Variants in PDE1A observed in about 807,000 individuals in gnomAD.
PDE1A encodes the protein dual specificity calcium/calmodulin-dependent 3',5'-cyclic nucleotide phosphodiesterase 1A.
PDE1A carries 35 observed loss-of-function variants against 61.7 expected under a neutral mutation model. That is an observed-to-expected ratio of 0.57 (90% CI 0.43 to 0.75). The LOEUF is 0.75. Among genes scored for constraint, PDE1A ranks in the 30% least tolerant of loss-of-function variants. The probability of loss-of-function intolerance (pLI) is 0.00; values close to 1 mark genes in which losing one functional copy is unlikely to be tolerated. For synonymous variants in PDE1A, 232 were observed against 213.2 expected (o/e 1.09, Z -0.77); for missense variants, 597 against 630.6 (o/e 0.95, Z 0.57).
chr2:182,510,009 G>C (rs377034814), intron 2 of PDE1A, among the ~76,000 whole-genome samples: 1 of 151,942 alleles, frequency 6.6e-6, no homozygotes, highest in South Asian at 2.1e-4. Context: ...TGGAGACTCT[G>C]GTGCTTAGAG....
rs150717509 is a variant in PDE1A at position 182,439,482 on chromosome 2, A to G, written c.101+82794T>C. On this transcript the variant is annotated intron_variant, in intron 2 of 14. Transcript: ENST00000410103. ...AAGATGTCAGAGAGAATTGGGAGTC[A>G]GGAGGAGAAGTTTGTCCTACAACAG... 1.7e-3 allele frequency among the ~76,000 whole-genome samples: 265 copies of G among 152,140 alleles called. 1 individual carries two copies. Among genetic ancestry groups the G allele is most frequent in the African/African-American group, 6.2e-3 (257 of 41,560 alleles).
chr2:182,526,175 A>G (rs1009718766), upstream of PDE1A, among the ~76,000 whole-genome samples: 5 of 152,202 alleles, frequency 3.3e-5, no homozygotes, highest in Non-Finnish European at 7.4e-5. Context: ...TTTAGAAAAT[A>G]TCTTAATTTC....
intron 2 of PDE1A, among the ~76,000 whole-genome samples, chr2:182,448,339 T>TG (rs1452121636): frequency 6.6e-6 from 1 of 151,824 alleles, no homozygotes; most frequent in East Asian, 1.9e-4. Flanking sequence ...TAGATTTTTT[T>TG]TTGTTCTTGT....
chr2:182,416,003 A>C (rs1398632618), intron 1 of PDE1A, among the ~76,000 whole-genome samples: 1 of 152,134 alleles, frequency 6.6e-6, no homozygotes, highest in East Asian at 1.9e-4. Context: ...GCCACACTTA[A>C]TCTGCCTGTT....
At chr2:182,275,948 A>G (rs833130) in intron 1 of PDE1A, among the ~76,000 whole-genome samples, 1,964 of 152,252 alleles carry the variant, frequency 0.013, 25 homozygotes, top group African/African-American at 0.022. Context: ...ATATATTAAC[A>G]AGGCATTACA....
intron 13 of PDE1A, among the ~76,000 whole-genome samples, chr2:182,168,546 T>C (rs1385823130): frequency 1.3e-5 from 2 of 152,102 alleles, no homozygotes; most frequent in East Asian, 1.9e-4. Context: ...ACTCAACTTA[T>C]TTTTTACTCT....
chr2:182,382,533 G>C (rs535423038), intron 1 of PDE1A, among the ~76,000 whole-genome samples: 1 of 152,130 alleles, frequency 6.6e-6, no homozygotes, highest in African/African-American at 2.4e-5. Context: ...TTTCATTCTT[G>C]TGATATTCCA....
At chr2:182,360,804 C>T (rs1002644159) in intron 1 of PDE1A, among the ~76,000 whole-genome samples, 5 of 151,862 alleles carry the variant, frequency 3.3e-5, no homozygotes, top group African/African-American at 9.7e-5. Context: ...GCCCTGTACT[C>T]AGTTGATCTG....
intron 1 of PDE1A, among the ~76,000 whole-genome samples, chr2:182,314,119 C>T (rs934803729): frequency 6.6e-6 from 1 of 152,114 alleles, no homozygotes; most frequent in Non-Finnish European, 1.5e-5. Context: ...AATAGCCAGA[C>T]TAAAAGCAAA....
intron 13 of PDE1A, among the ~76,000 whole-genome samples, chr2:182,175,039 C>A (rs1403562094): frequency 1.3e-5 from 2 of 152,120 alleles, no homozygotes; most frequent in Non-Finnish European, 2.9e-5. Flanking sequence ...ATGATGGTTT[C>A]CAGCTTCATC....
the PDE1A span, among the ~76,000 whole-genome samples, chr2:182,561,237 G>A: frequency 1.3e-5 from 2 of 152,078 alleles, no homozygotes; most frequent in Admixed American, 6.6e-5. Context: ...TTTGTATAAG[G>A]TGTAAGGAAG....
rs970801752 is a variant in PDE1A at position 182,268,365 on chromosome 2, ATATC to A, written c.54-3955_54-3952del. Among the ~76,000 whole-genome samples, 36 of 152,172 alleles carry A rather than the reference ATATC, an allele frequency of 2.4e-4. No homozygotes were observed. In the South Asian group the frequency reaches 3.7e-3, roughly 16 times the overall value. ...CACCTAGGGCTGTGTAAAAGAATAA[ATATC>A]TATATATAGATATTAGTACATATAT... On this transcript the variant is annotated intron_variant, in intron 1 of 13. Transcript: ENST00000351439.
chr2:182,671,099 T>A, the PDE1A span, among the ~76,000 whole-genome samples: 5 of 152,092 alleles, frequency 3.3e-5, no homozygotes, highest in Non-Finnish European at 7.4e-5. Flanking sequence ...ATTACAGGCA[T>A]CCAGCCACTG....
rs111307359 is a variant in PDE1A at position 182,301,489 on chromosome 2, A to G, written c.54-37075T>C. Among the ~76,000 whole-genome samples, 184 of 152,294 alleles carry G rather than the reference A, an allele frequency of 1.2e-3. 3 individuals are homozygous for G. Among genetic ancestry groups the G allele is most frequent in the African/African-American group, 4.1e-3 (172 of 41,562 alleles). On this transcript the variant is annotated intron_variant, in intron 1 of 13. Transcript: ENST00000351439. The stretch of plus-strand genomic sequence containing the variant: ...GTTCCACTTTCAACTCAGCTGTAAA[A>G]GACACACTTGATTTCCAAGGTGTGG...
chr2:182,437,058 G>A (rs1301850530), intron 2 of PDE1A, among the ~76,000 whole-genome samples: 1 of 151,882 alleles, frequency 6.6e-6, no homozygotes, highest in South Asian at 2.1e-4. Flanking sequence ...CACAATACAA[G>A]CCTTACATGT....
At chr2:182,397,291 T>G (rs1701760948) in intron 1 of PDE1A, among the ~76,000 whole-genome samples, 1 of 152,162 alleles carries the variant, frequency 6.6e-6, no homozygotes, top group Admixed American at 6.5e-5. Context: ...GCTATTATTA[T>G]ATATTTCTGT....
downstream of PDE1A, among the ~76,000 whole-genome samples, chr2:182,164,758 A>T (rs117295596): frequency 3.7e-3 from 560 of 152,218 alleles, 12 homozygotes; most frequent in East Asian, 8.3e-3. Context: ...CCCAGGGCAG[A>T]TTGATTCCAT....
At chr2:182,489,433 C>T (rs898751117) in intron 2 of PDE1A, among the ~76,000 whole-genome samples, 2 of 152,094 alleles carry the variant, frequency 1.3e-5, no homozygotes, top group South Asian at 2.1e-4. Flanking sequence ...ACTGACACTG[C>T]GTGAAAAAGA....
the PDE1A span, among the ~76,000 whole-genome samples, chr2:182,644,283 G>GTGTGTGTA: frequency 6.7e-6 from 1 of 149,970 alleles, no homozygotes; most frequent in Non-Finnish European, 1.5e-5. Context: ...GTGTGTGTGT[G>GTGTGTGTA]TGTGTGTGTG....
Sources: gnomAD v4.1 joint callset for allele counts (sites outside exome capture counted in the v4.1 genomes callset) on GRCh38, gnomAD v4.1.1 for gene constraint, MANE v1.5 for transcripts, NCBI Gene and HGNC (gene_info 2026-07-23, HGNC 2026-07-21) for gene names.